ADCK1: variants seen among roughly 807,000 people sequenced by gnomAD.
The protein encoded by ADCK1 is aarF domain containing kinase 1.
Under a neutral mutation model 52.3 loss-of-function variants are expected in ADCK1, and 41 were observed. The ratio of observed to expected loss-of-function variants is 0.78; its 90% CI spans 0.61 to 1.02. The LOEUF (loss-of-function observed/expected upper bound fraction) is 1.02, where lower values mean the gene tolerates loss of function less well. ADCK1 is among the 50% of genes least tolerant of loss of function. The pLI is 0.00. For synonymous variants in ADCK1, 250 were observed against 274.6 expected (o/e 0.91, Z 0.89); for missense variants, 658 against 679.5 (o/e 0.97, Z 0.35).
Position 77,907,802 on chromosome 14 carries a change from G to A in ADCK1, c.742-1G>A. ...ATCTGACCTGTCCCTTCCTATCCCAGGTCCCCCGAATCCACTGGGACCTGT... is the reference window on the plus strand; with the variant it reads ...ATCTGACCTGTCCCTTCCTATCCCAAGTCCCCCGAATCCACTGGGACCTGT... On this transcript the variant is annotated splice_acceptor_variant, in intron 6 of 10. Transcript: ENST00000238561. LOFTEE classifies it high-confidence loss of function. 6.2e-7 allele frequency: 1 copy of A among 1,612,578 alleles called. No homozygotes were observed. Among genetic ancestry groups the A allele is most frequent in the Non-Finnish European group, 8.5e-7 (1 of 1,178,996 alleles).
intron 7 of ADCK1, among the ~76,000 whole-genome samples, chr14:77,920,694 G>T (rs925187952): frequency 1.3e-5 from 2 of 152,082 alleles, no homozygotes; most frequent in African/African-American, 4.8e-5. Context: ...TATCACCCAG[G>T]CTGGAGTACA....
chr14:77,888,973 T>C (rs1372462173), intron 5 of ADCK1, among the ~76,000 whole-genome samples: 5 of 151,958 alleles, frequency 3.3e-5, no homozygotes, highest in Admixed American at 3.3e-4. Context: ...TGGTGGGAGG[T>C]AATTGATTCA....
chr14:77,893,061 A>T (rs544716537), intron 5 of ADCK1, among the ~76,000 whole-genome samples: 1 of 152,314 alleles, frequency 6.6e-6, no homozygotes, highest in East Asian at 1.9e-4. Context: ...TGCACAAAAG[A>T]AAAAGGCAGA....
intron 7 of ADCK1, among the ~76,000 whole-genome samples, chr14:77,921,116 G>A (rs1195194973): frequency 6.6e-6 from 1 of 151,614 alleles, no homozygotes; most frequent in East Asian, 2.0e-4. Flanking sequence ...CAAGAGGTCA[G>A]GGAGATCGAG....
chr14:77,840,737 A>G (rs2082049136), intron 3 of ADCK1, among the ~76,000 whole-genome samples: 1 of 151,908 alleles, frequency 6.6e-6, no homozygotes, highest in South Asian at 2.1e-4. Context: ...AGTCCCAACT[A>G]CTTGGGAGGC....
At chr14:77,889,802 C>T (rs1313559806) in intron 5 of ADCK1, among the ~76,000 whole-genome samples, 1 of 142,316 alleles carries the variant, frequency 7.0e-6, no homozygotes, top group Non-Finnish European at 1.5e-5. Context: ...GGCTGGAATA[C>T]AAATTCAGCA....
At chr14:77,921,187 C>T (rs1426364544) in intron 7 of ADCK1, among the ~76,000 whole-genome samples, 2 of 150,550 alleles carry the variant, frequency 1.3e-5, no homozygotes, top group African/African-American at 4.9e-5. Flanking sequence ...ATTAGCCAGG[C>T]GTGGTGGCAG....
intron 6 of ADCK1, among the ~76,000 whole-genome samples, chr14:77,906,340 C>T (rs1440479150): frequency 6.6e-6 from 1 of 152,224 alleles, no homozygotes; most frequent in Non-Finnish European, 1.5e-5. Context: ...GGAAACTCGG[C>T]ATGCTGGAAG....
intron 5 of ADCK1, among the ~76,000 whole-genome samples, chr14:77,890,553 G>T (rs1179631614): frequency 6.6e-6 from 1 of 152,218 alleles, no homozygotes; most frequent in African/African-American, 2.4e-5. Context: ...CTTAATGGGA[G>T]AGTGGCAAGG....
chr14:77,849,153 C>T (rs1213020818), intron 3 of ADCK1, among the ~76,000 whole-genome samples: 1 of 152,170 alleles, frequency 6.6e-6, no homozygotes, highest in Non-Finnish European at 1.5e-5. Context: ...TGGCTCACTG[C>T]AGCCTCAAAC....
rs1286591006 is a variant in ADCK1, at chr14:77,897,409, G to C, written c.583-1691G>C. Among the ~76,000 whole-genome samples, 4 of 152,280 alleles carry C rather than the reference G, an allele frequency of 2.6e-5. No individual in the cohort carries two copies. The East Asian group carries it at 7.7e-4, about 29-fold the overall frequency. The stretch of plus-strand genomic sequence containing the variant: ...AACTTGGGCACCCATCTCAAATCCA[G>C]GGCCCTGGTGGTGGGGCAGCCTTAG... On this transcript the variant is annotated intron_variant, in intron 5 of 10. Coordinates refer to ENST00000238561, the MANE Select transcript of ADCK1 (RefSeq NM_020421.4).
Position 77,933,274 on chromosome 14 carries a change from C to CT in ADCK1, c.1455_1456insT (p.Glu486Ter), listed in dbSNP as rs1566748000. On this transcript the variant is annotated frameshift_variant, in exon 11 of 11. Coordinates refer to ENST00000238561, the MANE Select transcript of ADCK1 (RefSeq NM_020421.4). LOFTEE classifies it high-confidence loss of function. ...TCAGAAGGACCCAGATCTCTTTCAG[C>CT]GAGGCCTTCAACTTATGGCAGATCA... 1.1e-5 allele frequency: 17 copies of CT among 1,614,066 alleles called. No homozygotes were observed. Among genetic ancestry groups the CT allele is most frequent in the South Asian group, 6.6e-5 (6 of 91,086 alleles).
At chr14:77,858,459 C>G (rs1217043276) in intron 3 of ADCK1, among the ~76,000 whole-genome samples, 1 of 151,990 alleles carries the variant, frequency 6.6e-6, no homozygotes, top group East Asian at 1.9e-4. Flanking sequence ...CCAGGCTGGT[C>G]TTGAACTCCT....
intron 5 of ADCK1, among the ~76,000 whole-genome samples, chr14:77,889,059 C>T (rs796481533): frequency 2.6e-5 from 4 of 152,188 alleles, no homozygotes; most frequent in Non-Finnish European, 5.9e-5. Context: ...TATAAAAGGG[C>T]AGTCCCCCTG....
intron 1 of ADCK1, among the ~76,000 whole-genome samples, chr14:77,814,422 T>C (rs1336398677): frequency 1.5e-5 from 1 of 68,484 alleles, no homozygotes; most frequent in Non-Finnish European, 2.8e-5. Flanking sequence ...AGCCTCTCTT[T>C]ACTGAAAAAA....
chr14:77,818,344 C>T (rs191380956), intron 1 of ADCK1, among the ~76,000 whole-genome samples: 13 of 152,194 alleles, frequency 8.5e-5, no homozygotes, highest in African/African-American at 2.4e-4. Flanking sequence ...TGTGGTGGCA[C>T]GATCTCAGCT....
intron 8 of ADCK1, 64 bp downstream of exon 8, chr14:77,924,670 A>C: frequency 6.3e-7 from 1 of 1,587,604 alleles, no homozygotes; most frequent in Non-Finnish European, 8.6e-7. Flanking sequence ...GACCACTCTA[A>C]TTAGCTGCAG....
At chr14:77,913,994 G>C (rs1002129032) in intron 7 of ADCK1, among the ~76,000 whole-genome samples, 1 of 152,194 alleles carries the variant, frequency 6.6e-6, no homozygotes, top group Non-Finnish European at 1.5e-5. Context: ...TCCATCTTCT[G>C]TCAGGGTCGG....
At chr14:77,811,786 G>T (rs1424191486) in intron 1 of ADCK1, among the ~76,000 whole-genome samples, 1 of 152,118 alleles carries the variant, frequency 6.6e-6, no homozygotes, top group African/African-American at 2.4e-5. Flanking sequence ...TCCAGCCTGA[G>T]TGGCAGAGTA....
Sources: allele counts gnomAD v4.1 joint callset (sites outside exome capture counted in the v4.1 genomes callset), GRCh38; gene constraint gnomAD v4.1.1; transcripts MANE v1.5; gene names NCBI Gene and HGNC (gene_info 2026-07-23, HGNC 2026-07-21).